The following DLG2 variants were observed in gnomAD, a reference collection of about 807,000 sequenced individuals.
DLG2 encodes the protein disks large homolog 2.
DLG2 carries 45 observed loss-of-function variants against 132.5 expected under a neutral mutation model. The ratio of observed to expected loss-of-function variants is 0.34; its 90% CI spans 0.27 to 0.44. The LOEUF (loss-of-function observed/expected upper bound fraction) is 0.44, where lower values mean the gene tolerates loss of function less well. Ranked by LOEUF, DLG2 falls within the 20% of genes least tolerant of loss-of-function variation. The pLI, the probability that DLG2 is intolerant of heterozygous loss-of-function variation, is 1.00. For missense variants in DLG2, 1,045 were observed against 1,196.9 expected (o/e 0.87, Z 1.87); for synonymous variants, 424 against 419.6 (o/e 1.01, Z -0.13).
chr11:85,558,622 G>A (rs1420257590), intron 3 of DLG2, among the ~76,000 whole-genome samples: 2 of 151,830 alleles, frequency 1.3e-5, no homozygotes, highest in Admixed American at 6.6e-5. Context: ...GAAAAAGAAT[G>A]AAATCATGCC....
intron 6 of DLG2, among the ~76,000 whole-genome samples, chr11:84,829,778 G>C (rs929348724): frequency 1.3e-5 from 2 of 151,616 alleles, no homozygotes; most frequent in Admixed American, 6.6e-5. Flanking sequence ...AAAGATACTT[G>C]AGACATTTTC....
intron 19 of DLG2, among the ~76,000 whole-genome samples, chr11:83,560,002 A>T (rs2142747179): frequency 6.6e-6 from 1 of 152,070 alleles, no homozygotes; most frequent in African/African-American, 2.4e-5. Context: ...CTATTTTGGT[A>T]TTTCTGGGCT....
intron 11 of DLG2, among the ~76,000 whole-genome samples, chr11:83,987,167 C>G (rs1457895688): frequency 1.3e-5 from 2 of 152,028 alleles, no homozygotes; most frequent in African/African-American, 4.8e-5. Context: ...TCAAGGAGAA[C>G]TACAAACCAC....
intron 6 of DLG2, among the ~76,000 whole-genome samples, chr11:84,651,115 A>G (rs542743932): frequency 5.3e-5 from 8 of 151,752 alleles, no homozygotes; most frequent in Admixed American, 5.3e-4. Context: ...TCATCAATCT[A>G]TTCATTTTCA....
At chr11:84,279,223 C>G (rs952092810) in intron 7 of DLG2, among the ~76,000 whole-genome samples, 1 of 152,160 alleles carries the variant, frequency 6.6e-6, no homozygotes, top group Admixed American at 6.5e-5. Context: ...AAAAGCTCAT[C>G]ATCACTGGTC....
At chr11:83,507,744 C>A (rs372211622) in intron 21 of DLG2, among the ~76,000 whole-genome samples, 7 of 115,470 alleles carry the variant, frequency 6.1e-5, no homozygotes, top group African/African-American at 2.2e-4. Context: ...TTTATATTTA[C>A]ATATATATTT....
chr11:84,140,848 A>C lies in DLG2; in HGVS notation c.624+22613T>G, dbSNP rs141068193. ...TATATCATGACTAGTGAGAGAATGA[A>C]TATATTACTCCAAAAAGTCTTCCAT... On this transcript the variant is annotated intron_variant, in intron 9 of 27. Coordinates refer to ENST00000376104, the MANE Select transcript of DLG2 (RefSeq NM_001142699.3). Among the ~76,000 whole-genome samples the C allele has an allele frequency of 9.5e-4, 145 of 152,222 alleles. 1 individual carries two copies. Among genetic ancestry groups the C allele is most frequent in the Admixed American group, 3.6e-3 (55 of 15,280 alleles).
intron 6 of DLG2, among the ~76,000 whole-genome samples, chr11:84,734,415 C>T (rs1389358077): frequency 6.6e-6 from 1 of 152,124 alleles, no homozygotes; most frequent in Non-Finnish European, 1.5e-5. Context: ...GAATGGAGTT[C>T]ACTCACAATT....
intron 19 of DLG2, among the ~76,000 whole-genome samples, chr11:83,594,003 A>C (rs2097240451): frequency 6.6e-6 from 1 of 152,218 alleles, no homozygotes; most frequent in African/African-American, 2.4e-5. Flanking sequence ...ATAGCAAATA[A>C]AAGGTTAAAA....
chr11:84,337,215 C>G (rs1009737210), intron 7 of DLG2, among the ~76,000 whole-genome samples: 1 of 152,104 alleles, frequency 6.6e-6, no homozygotes, highest in Non-Finnish European at 1.5e-5. Flanking sequence ...TGAGGTCATA[C>G]ATATGAGGTA....
chr11:85,426,580 G>C, intron 3 of DLG2, among the ~76,000 whole-genome samples: 1 of 151,992 alleles, frequency 6.6e-6, no homozygotes, highest in Non-Finnish European at 1.5e-5. Context: ...ATTGTTAGAA[G>C]GAAAACTAAC....
Position 84,344,261 on chromosome 11 carries a change from A to G in DLG2, c.520-92970T>C, listed in dbSNP as rs377438990. Among the ~76,000 whole-genome samples the G allele has an allele frequency of 1.1e-4, 17 of 152,314 alleles. No individual in the cohort carries two copies. The South Asian group carries it at 3.5e-3, about 32-fold the overall frequency. On this transcript the variant is annotated intron_variant, in intron 7 of 27. Coordinates refer to ENST00000376104, the MANE Select transcript of DLG2 (RefSeq NM_001142699.3). ...CTTGCCTCCACTGTTTACTAACTAT[A>G]TGACCTTGTGTGTAAAATGTCTGTA...
intron 10 of DLG2, among the ~76,000 whole-genome samples, chr11:84,097,961 C>T (rs928234926): frequency 1.3e-5 from 2 of 150,888 alleles, no homozygotes; most frequent in Admixed American, 1.3e-4. Flanking sequence ...TAGCCCAGCT[C>T]AAGCAGCTAC....
intron 7 of DLG2, among the ~76,000 whole-genome samples, chr11:84,342,961 C>G (rs7128524): frequency 0.37 from 56,478 of 152,106 alleles, 15,542 homozygotes; most frequent in African/African-American, 0.78. Context: ...CATGCAGCGT[C>G]CCAGGCACCA....
chr11:85,461,452 G>C (rs1017087777), intron 3 of DLG2, among the ~76,000 whole-genome samples: 1 of 152,222 alleles, frequency 6.6e-6, no homozygotes, highest in Non-Finnish European at 1.5e-5. Flanking sequence ...CAGTTATGCA[G>C]TTTCCTGGCT....
intron 6 of DLG2, among the ~76,000 whole-genome samples, chr11:85,075,073 A>C (rs1447789060): frequency 3.3e-5 from 5 of 151,906 alleles, no homozygotes; most frequent in South Asian, 4.1e-4. Flanking sequence ...CTTACACATG[A>C]GGAGTAACAC....
intron 18 of DLG2, chr11:83,693,619 C>T (rs1025989015): frequency 6.6e-6 from 1 of 152,092 alleles, no homozygotes; most frequent in African/African-American, 2.4e-5. Flanking sequence ...TTTGTCCTTG[C>T]TTAGTGCTTT....
At chr11:84,420,699 T>TCTGTC (rs2098947004) in intron 7 of DLG2, among the ~76,000 whole-genome samples, 1 of 117,234 alleles carries the variant, frequency 8.5e-6, no homozygotes, top group Non-Finnish European at 1.7e-5. Flanking sequence ...GACGGAGTCT[T>TCTGTC]GCTCTGTCGC....
At chr11:83,753,830 T>TC (rs1566831308) in intron 18 of DLG2, among the ~76,000 whole-genome samples, 293 of 15,622 alleles carry the variant, frequency 0.019, 11 homozygotes, top group African/African-American at 0.13. Context: ...ATTTCATATA[T>TC]ATATGATATA....
Sources: gnomAD v4.1 joint callset for allele counts (sites outside exome capture counted in the v4.1 genomes callset) on GRCh38, gnomAD v4.1.1 for gene constraint, MANE v1.5 for transcripts, NCBI Gene and HGNC (gene_info 2026-07-23, HGNC 2026-07-21) for gene names.